Variants in CDC14A observed in about 807,000 individuals in gnomAD.
CDC14A encodes dual specificity protein phosphatase CDC14A.
A neutral mutation model predicts 74.4 loss-of-function variants in CDC14A; 53 were observed. That is an observed-to-expected ratio of 0.71 (90% confidence interval 0.57 to 0.89). The LOEUF (loss-of-function observed/expected upper bound fraction) is 0.89, where lower values mean the gene tolerates loss of function less well. Among genes scored for constraint, CDC14A ranks in the 40% least tolerant of loss-of-function variants. The pLI is 0.00. For synonymous variants in CDC14A, 247 were observed against 258.4 expected, an observed-to-expected ratio of 0.96 and a Z score of 0.43; for missense variants, 646 against 713.7, an observed-to-expected ratio of 0.91 and a Z score of 1.08.
intron 15 of CDC14A, among the ~76,000 whole-genome samples, chr1:100,500,811 AGTGTGTGT>A (rs58424420): frequency 0.017 from 2,194 of 131,250 alleles, 50 homozygotes; most frequent in African/African-American, 0.052. Context: ...ATGAGAATGC[AGTGTGTGT>A]GTGTGTGTGT....
intron 3 of CDC14A, among the ~76,000 whole-genome samples, chr1:100,386,543 C>T (rs1414260661): frequency 6.6e-6 from 1 of 152,116 alleles, no homozygotes; most frequent in African/African-American, 2.4e-5. Context: ...GCTTTGTAAT[C>T]CCTGCACTTT....
chr1:100,418,598 A>G (rs368192307), intron 4 of CDC14A, among the ~76,000 whole-genome samples: 1 of 152,278 alleles, frequency 6.6e-6, no homozygotes, highest in East Asian at 1.9e-4. Context: ...CTACTGGAGT[A>G]GGCAGGAGGT....
chr1:100,510,027 T>C lies in CDC14A; in HGVS notation c.1756-8224T>C, dbSNP rs148187873. Among the ~76,000 whole-genome samples the C allele has an allele frequency of 3.9e-4, 59 of 152,302 alleles. 1 individual carries two copies. The highest frequency in any genetic ancestry group is 6.8e-3 in the Middle Eastern group (2 of 294). ...TATGGTTAAGAGGGGAAAGGCTGTG[T>C]TCCCATTTCCTATTAGGAACCTCGT... is the stretch of plus-strand genomic sequence containing the variant. On this transcript the variant is annotated intron_variant, in intron 15 of 15. Coordinates refer to ENST00000336454, the MANE Select transcript of CDC14A (RefSeq NM_003672.4).
chr1:100,346,556 T>C (rs932465815), intron 1 of CDC14A, among the ~76,000 whole-genome samples: 6 of 150,748 alleles, frequency 4.0e-5, no homozygotes, highest in Middle Eastern at 3.4e-3. Context: ...CATTCAAGCT[T>C]AGGAGGTTGA....
At chr1:100,412,753 T>TA (rs1491488725) in intron 4 of CDC14A, among the ~76,000 whole-genome samples, 16 of 104,710 alleles carry the variant, frequency 1.5e-4, no homozygotes, top group African/African-American at 9.2e-4. Flanking sequence ...TATATATATA[T>TA]TTTATATATA....
At chr1:100,513,111 C>T (rs1267772454) in intron 15 of CDC14A, among the ~76,000 whole-genome samples, 1 of 152,062 alleles carries the variant, frequency 6.6e-6, no homozygotes, top group Non-Finnish European at 1.5e-5. Flanking sequence ...AAATAAGTAT[C>T]AATGCACACA....
At chr1:100,368,829 T>C (rs1035197799) in intron 2 of CDC14A, among the ~76,000 whole-genome samples, 2 of 152,210 alleles carry the variant, frequency 1.3e-5, no homozygotes, top group Non-Finnish European at 2.9e-5. Flanking sequence ...CACTTATAAA[T>C]GAGAACATGC....
intron 15 of CDC14A, among the ~76,000 whole-genome samples, chr1:100,515,953 G>T (rs762095758): frequency 6.6e-6 from 1 of 152,192 alleles, no homozygotes; most frequent in Non-Finnish European, 1.5e-5. Flanking sequence ...AGGTCAATTC[G>T]TTGGCCAAAT....
chr1:100,424,731 T>A (rs1662750867), intron 5 of CDC14A, among the ~76,000 whole-genome samples: 1 of 152,214 alleles, frequency 6.6e-6, no homozygotes, highest in African/African-American at 2.4e-5. Flanking sequence ...CAGGAGCACC[T>A]GTTTAGTGGG....
At chr1:100,496,446 T>C (rs1647842295) in intron 13 of CDC14A, among the ~76,000 whole-genome samples, 1 of 152,218 alleles carries the variant, frequency 6.6e-6, no homozygotes, top group Non-Finnish European at 1.5e-5. Flanking sequence ...TTCCCCTCCT[T>C]TATTTTCTAG....
In CDC14A at chr1:100,377,625, A is replaced by C. The variant is rs769299044; in HGVS notation, c.216+4A>C. On this transcript the variant is annotated splice_donor_region_variant and intron_variant, in intron 3 of 15. Transcript: ENST00000336454. ...CAAACTAAACAAGAAACTAAAAGTG[A>C]GTATTGTAGTGATATTTATAATTTG... 6.9e-6 allele frequency: 11 copies of C among 1,597,166 alleles called. No individual in the cohort carries two copies. The highest frequency in any genetic ancestry group is 9.4e-6 in the Non-Finnish European group (11 of 1,165,166).
chr1:100,362,549 G>A (rs1163460088), intron 2 of CDC14A, among the ~76,000 whole-genome samples: 1 of 151,918 alleles, frequency 6.6e-6, no homozygotes, highest in Admixed American at 6.6e-5. Context: ...TCTCTCTTTG[G>A]TCATTTTGGT....
rs1442006525 is a variant in CDC14A at position 100,519,174 on chromosome 1, T to C, written c.*894T>C. ...TTAACCCAATTAGGATATCCTGCTT[T>C]GGGTATGAGGTTGTTGTTGCCTGTA... On this transcript the variant is annotated 3_prime_UTR_variant, in exon 16 of 16. Coordinates refer to ENST00000336454, the MANE Select transcript of CDC14A (RefSeq NM_003672.4). The C allele has an allele frequency of 6.6e-6, 1 of 152,112 alleles. No individual in the cohort carries two copies. The highest frequency in any genetic ancestry group is 1.5e-5 in the Non-Finnish European group (1 of 67,984). 9.4% of individuals were successfully genotyped at this position (152,112 alleles called of 1,614,324 possible).
chr1:100,354,110 T>C (rs1651547066), intron 2 of CDC14A, among the ~76,000 whole-genome samples: 1 of 152,210 alleles, frequency 6.6e-6, no homozygotes, highest in African/African-American at 2.4e-5. Context: ...AACTGGAGAT[T>C]CCTAACATTC....
At chr1:100,450,044 A>G (rs1366186724) in intron 7 of CDC14A, among the ~76,000 whole-genome samples, 1 of 152,124 alleles carries the variant, frequency 6.6e-6, no homozygotes, top group African/African-American at 2.4e-5. Flanking sequence ...GTTATTTACA[A>G]CACAGATTGC....
intron 11 of CDC14A, among the ~76,000 whole-genome samples, chr1:100,494,030 A>G (rs1055552763): frequency 6.6e-6 from 1 of 152,226 alleles, no homozygotes; most frequent in Non-Finnish European, 1.5e-5. Flanking sequence ...GTGCAATGAC[A>G]GTGTGCTATG....
chr1:100,399,876 T>G (rs1030633556), intron 4 of CDC14A, among the ~76,000 whole-genome samples: 1 of 151,350 alleles, frequency 6.6e-6, no homozygotes, highest in South Asian at 2.1e-4. Context: ...AAAGATGAAG[T>G]CATTTTATCT....
intron 5 of CDC14A, among the ~76,000 whole-genome samples, chr1:100,432,851 A>G (rs1663867959): frequency 6.6e-6 from 1 of 152,154 alleles, no homozygotes; most frequent in East Asian, 1.9e-4. Flanking sequence ...GCTATTGTAC[A>G]TAGCTCATAA....
At chr1:100,458,315 T>G (rs1666935700) in intron 8 of CDC14A, among the ~76,000 whole-genome samples, 1 of 152,192 alleles carries the variant, frequency 6.6e-6, no homozygotes, top group African/African-American at 2.4e-5. Context: ...TCTAGAAAAT[T>G]TAAGTAATAT....
Sources: allele counts gnomAD v4.1 joint callset (sites outside exome capture counted in the v4.1 genomes callset), GRCh38; gene constraint gnomAD v4.1.1; transcripts MANE v1.5; gene names NCBI Gene and HGNC (gene_info 2026-07-23, HGNC 2026-07-21).